MYOM1: variants seen among roughly 807,000 people sequenced by gnomAD.
The protein encoded by MYOM1 is myomesin-1.
MYOM1 carries 164 observed loss-of-function variants against 205.3 expected under a neutral mutation model. The ratio of observed to expected loss-of-function variants is 0.80; its 90% confidence interval spans 0.70 to 0.91. The LOEUF is 0.91. Among genes scored for constraint, MYOM1 ranks in the 40% least tolerant of loss-of-function variants. The pLI is 0.00. For synonymous variants in MYOM1, 772 were observed against 789.4 expected (o/e 0.98, Z 0.37); for missense variants, 2,011 against 2,127.3 (o/e 0.95, Z 1.08).
chr18:3,097,805 C>CG (rs1435464073), intron 25 of MYOM1, among the ~76,000 whole-genome samples: 1 of 152,164 alleles, frequency 6.6e-6, no homozygotes, highest in African/African-American at 2.4e-5. Flanking sequence ...TACCCTCTCT[C>CG]GTAGCACCAA....
At chr18:3,153,509 G>A (rs1027744226) in intron 11 of MYOM1, among the ~76,000 whole-genome samples, 1 of 152,166 alleles carries the variant, frequency 6.6e-6, no homozygotes, top group African/African-American at 2.4e-5. Context: ...AGAACAAAAT[G>A]TACTTATTGT....
the MYOM1 span, among the ~76,000 whole-genome samples, chr18:3,225,792 C>T: frequency 6.6e-6 from 1 of 152,186 alleles, no homozygotes; most frequent in Non-Finnish European, 1.5e-5. Context: ...CTTCTTCCCC[C>T]TCTCTGGTTA....
chr18:3,129,215 C>G lies in MYOM1; in HGVS notation c.2794+17G>C. On this transcript the variant is annotated intron_variant, in intron 18 of 37. Coordinates refer to ENST00000356443, the MANE Select transcript of MYOM1 (RefSeq NM_003803.4). ...TGATGGAGACGGATGGAACAGCTTC[C>G]CTTTCTCAACTCTCACCTCTGTCTG... 6.2e-7 allele frequency: 1 copy of G among 1,608,598 alleles called. No individual in the cohort carries two copies. Among genetic ancestry groups the G allele is most frequent in the Non-Finnish European group, 8.5e-7 (1 of 1,177,172 alleles).
At chr18:3,157,442 G>C (rs1382399762) in intron 10 of MYOM1, among the ~76,000 whole-genome samples, 5 of 152,060 alleles carry the variant, frequency 3.3e-5, no homozygotes, top group African/African-American at 1.2e-4. Flanking sequence ...TGTAATCCTA[G>C]CACTTTGGGT....
At chr18:3,186,111 G>A (rs190432838) in intron 5 of MYOM1, among the ~76,000 whole-genome samples, 153 of 152,162 alleles carry the variant, frequency 1.0e-3, no homozygotes, top group Non-Finnish European at 1.6e-3. Flanking sequence ...CAGGAGAATT[G>A]CTTGAACCCA....
At chr18:3,199,631 A>T (rs1186739670) in intron 2 of MYOM1, among the ~76,000 whole-genome samples, 1 of 152,104 alleles carries the variant, frequency 6.6e-6, no homozygotes, top group East Asian at 1.9e-4. Flanking sequence ...CACGAGGTCA[A>T]GAAATCAAGA....
intron 11 of MYOM1, among the ~76,000 whole-genome samples, chr18:3,154,746 T>C (rs1256149272): frequency 6.6e-6 from 1 of 151,690 alleles, no homozygotes; most frequent in Non-Finnish European, 1.5e-5. Context: ...TGTGTAGATA[T>C]ATACATACAG....
At position 3,141,951 on chromosome 18, in the gene MYOM1, GTACA is replaced by G. The variant is rs1200119843; in HGVS notation, c.2009_2012del (p.Met670ThrfsTer16). 6.2e-7 allele frequency: 1 copy of G among 1,613,806 alleles called. No individual in the cohort carries two copies. The highest frequency in any genetic ancestry group is 1.7e-5 in the Admixed American group (1 of 60,008). On this transcript the variant is annotated frameshift_variant, in exon 14 of 38. Transcript: ENST00000356443. LOFTEE classifies it high-confidence loss of function. ...TCTAGAGTCTTACCTTTTCCACAAA[GTACA>G]TAATGCCCTCATGACCACGCTGGCC...
At chr18:3,193,790 TA>T in intron 3 of MYOM1, 27 bp downstream of exon 3, 1 of 1,602,774 alleles carries the variant, frequency 6.2e-7, no homozygotes, top group Non-Finnish European at 8.5e-7. Context: ...TCTTAAAAAT[TA>T]AAGCCAGGAA....
intron 19 of MYOM1, among the ~76,000 whole-genome samples, chr18:3,123,827 A>ATTTTTTTTTTTTTTTTTTTTTTTTTT (rs5822739): frequency 1.4e-5 from 2 of 147,374 alleles, no homozygotes; most frequent in African/African-American, 5.2e-5. Context: ...ATTTTTATTT[A>ATTTTTTTTTTTTTTTTTTTTTTTTTT]TTTATTTTTT....
intron 16 of MYOM1, among the ~76,000 whole-genome samples, chr18:3,134,160 C>T (rs1297548330): frequency 1.3e-5 from 2 of 152,190 alleles, no homozygotes; most frequent in East Asian, 1.9e-4. Flanking sequence ...GTTGAGATTA[C>T]AGGCATGAGC....
chr18:3,099,998 C>T (rs1217025940), intron 25 of MYOM1, among the ~76,000 whole-genome samples, 161 bp downstream of exon 25: 1 of 152,130 alleles, frequency 6.6e-6, no homozygotes, highest in Non-Finnish European at 1.5e-5. Context: ...AAGGAAAAGG[C>T]ATCACTTCTA....
chr18:3,122,740 A>C (rs1021679717), intron 19 of MYOM1, among the ~76,000 whole-genome samples: 14 of 152,224 alleles, frequency 9.2e-5, no homozygotes, highest in Non-Finnish European at 1.8e-4. Context: ...TTAACATTAG[A>C]CAATTACTAG....
Position 3,179,524 on chromosome 18 carries a change from G to C in MYOM1, c.930-3390C>G, listed in dbSNP as rs1390829530. 1.3e-5 allele frequency among the ~76,000 whole-genome samples: 2 copies of C among 152,130 alleles called. No homozygotes were observed. The highest frequency in any genetic ancestry group is 2.4e-5 in the African/African-American group (1 of 41,430). On this transcript the variant is annotated intron_variant, in intron 5 of 37. Coordinates refer to ENST00000356443, the MANE Select transcript of MYOM1 (RefSeq NM_003803.4). This position sits in a 1 kb window ranked among gnomAD's most constrained non-coding sequence, Gnocchi z 4.4. The stretch of plus-strand genomic sequence containing the variant: ...TCTCAGTTCCCTCAGATGTGAAATG[G>C]AGAGGGTGGGACTGGCTTAAGAATC...
At chr18:3,168,180 T>C (rs995254782) in intron 9 of MYOM1, among the ~76,000 whole-genome samples, 7 of 152,216 alleles carry the variant, frequency 4.6e-5, no homozygotes, top group Non-Finnish European at 8.8e-5. Flanking sequence ...AATAATAATA[T>C]CAGGATTTTA....
chr18:3,190,428 C>T (rs1036689601), intron 3 of MYOM1: 3 of 152,122 alleles, frequency 2.0e-5, no homozygotes, highest in African/African-American at 7.2e-5. Flanking sequence ...GAATGAGATT[C>T]CACATTTGCC....
At chr18:3,218,059 G>A (rs1445017675) in intron 1 of MYOM1, among the ~76,000 whole-genome samples, 2 of 152,160 alleles carry the variant, frequency 1.3e-5, no homozygotes, top group Non-Finnish European at 2.9e-5. Flanking sequence ...GGTGACAGCT[G>A]GCATTGTGAA....
At chr18:3,229,635 A>G in the MYOM1 span, among the ~76,000 whole-genome samples, 1 of 152,168 alleles carries the variant, frequency 6.6e-6, no homozygotes, top group Admixed American at 6.5e-5. Context: ...CCCCATCAAT[A>G]TTGGAATGGT....
At chr18:3,117,530 G>A (rs896573724) in intron 20 of MYOM1, among the ~76,000 whole-genome samples, 1 of 152,236 alleles carries the variant, frequency 6.6e-6, no homozygotes, top group African/African-American at 2.4e-5. Flanking sequence ...TCTGCAGGGA[G>A]AAAGCCAAAA....
Sources: gnomAD v4.1 joint callset for allele counts (sites outside exome capture counted in the v4.1 genomes callset) on GRCh38, gnomAD v4.1.1 for gene constraint, Gnocchi (gnomAD v3.1) non-coding constraint, MANE v1.5 for transcripts, NCBI Gene and HGNC (gene_info 2026-07-23, HGNC 2026-07-21) for gene names.